Variants in IFT172 observed in about 807,000 individuals in gnomAD.
IFT172 encodes intraflagellar transport protein 172 homolog.
In IFT172, 164 loss-of-function variants were observed where a neutral mutation model predicts 248.9. The ratio of observed to expected loss-of-function variants is 0.66; its 90% CI spans 0.58 to 0.75. The LOEUF is 0.75. Ranked by LOEUF, IFT172 falls within the 30% of genes least tolerant of loss-of-function variation. The pLI, the probability that IFT172 is intolerant of heterozygous loss-of-function variation, is 0.00. For missense variants in IFT172, 1,950 were observed against 2,192.4 expected (o/e 0.89, Z 2.21); for synonymous variants, 729 against 791.6 (o/e 0.92, Z 1.33).
intron 14 of IFT172, among the ~76,000 whole-genome samples, chr2:27,473,790 GAGA>G (rs1336927757): frequency 6.6e-6 from 1 of 152,018 alleles, no homozygotes; most frequent in South Asian, 2.1e-4. Flanking sequence ...AAAAAGTTAA[GAGA>G]AGAACTTTTT....
At chr2:27,452,822 G>A (rs1359816458) in intron 35 of IFT172, among the ~76,000 whole-genome samples, 1 of 152,214 alleles carries the variant, frequency 6.6e-6, no homozygotes, top group Non-Finnish European at 1.5e-5. Context: ...TGACCAAAAC[G>A]TTGTTATATG....
In IFT172 at chr2:27,471,796, G is replaced by C. The variant is rs199613259; in HGVS notation, c.1524+454C>G. 1.0e-4 allele frequency: 21 copies of C among 200,106 alleles called. No homozygotes were observed. The East Asian group carries it at 2.7e-3, about 26-fold the overall frequency. 12.4% of individuals were successfully genotyped at this position (200,106 alleles called of 1,614,324 possible). A position where few individuals can be genotyped will look rare whatever the true frequency, so the allele number is the denominator to read the frequency against. ...TGTAATCCCAGCACTTTGAGAGGCA[G>C]AGGCAGGCAGATCACCTGAGGCCAG... On this transcript the variant is annotated intron_variant, in intron 15 of 47. Transcript: ENST00000260570.
intron 47 of IFT172, among the ~76,000 whole-genome samples, 155 bp downstream of exon 47, chr2:27,444,859 G>C (rs1362334350): frequency 6.6e-6 from 1 of 152,164 alleles, no homozygotes; most frequent in Non-Finnish European, 1.5e-5. Context: ...ATGTTGGCCA[G>C]GCTGGTCTCA....
Position 27,459,768 on chromosome 2 carries a change from C to T in IFT172, c.2583G>A (p.Gly861=), listed in dbSNP as rs200249318. The change falls in exon 24 of 48, where the codon GGG becomes GGA. Residue 861 remains glycine (G), a synonymous_variant. Coordinates refer to ENST00000260570, the MANE Select transcript of IFT172 (RefSeq NM_015662.3). ...GCTGCTTCTGCTGCACCAGGTGGTCCCCCCATGCCTCCTCTAGTTTCACCA... is the reference window on the plus strand; with the variant it reads ...GCTGCTTCTGCTGCACCAGGTGGTCTCCCCATGCCTCCTCTAGTTTCACCA... ...VEVVKLEEAW[G]DHLVQQKQLD... is the part of the protein sequence containing the mutation. 1.1e-5 allele frequency: 17 copies of T among 1,612,982 alleles called. No individual in the cohort carries two copies. The highest frequency in any genetic ancestry group is 3.4e-6 in the Non-Finnish European group (4 of 1,180,030).
Position 27,445,207 on chromosome 2 carries a change from A to G in IFT172, c.5068+89T>C. On this transcript the variant is annotated intron_variant, in intron 46 of 47. Coordinates refer to ENST00000260570, the MANE Select transcript of IFT172 (RefSeq NM_015662.3). This position sits in a 1 kb window ranked among gnomAD's most constrained non-coding sequence, Gnocchi z 4.4. The stretch of plus-strand genomic sequence containing the variant: ...TAGAAAGCACAGTCCTGTCTTTTGT[A>G]CCCTTTACTGAATCCTAGTAAAATT... The G allele has an allele frequency of 6.3e-7, 1 of 1,583,536 alleles. No homozygotes were observed. Among genetic ancestry groups the G allele is most frequent in the Non-Finnish European group, 8.6e-7 (1 of 1,162,472 alleles).
intron 5 of IFT172, 82 bp from the exon 6 acceptor site, chr2:27,483,741 C>T (rs542030633): frequency 3.1e-5 from 46 of 1,503,418 alleles, no homozygotes; most frequent in Non-Finnish European, 4.1e-5. Context: ...AAAAACTGTC[C>T]CACAAAACTG....
At chr2:27,463,589 T>C (rs1279816810) in intron 18 of IFT172, among the ~76,000 whole-genome samples, 2 of 150,824 alleles carry the variant, frequency 1.3e-5, no homozygotes, top group Non-Finnish European at 2.9e-5. Context: ...ATTTTATGTG[T>C]GGCCCAAGAT....
chr2:27,474,081 T>A (rs57554909), intron 14 of IFT172, among the ~76,000 whole-genome samples: 3,118 of 152,308 alleles, frequency 0.02, 118 homozygotes, highest in African/African-American at 0.071. Flanking sequence ...GTATTGGGAT[T>A]ATAGGCATGA....
chr2:27,459,946 G>T (rs1019886186), intron 23 of IFT172, 117 bp from the exon 24 acceptor site: 1 of 1,373,984 alleles, frequency 7.3e-7, no homozygotes, highest in African/African-American at 1.4e-5. Context: ...TGGAGGACTG[G>T]AGCCAGGCAT....
Position 27,465,333 on chromosome 2 carries a change from G to A in IFT172, c.1937+78C>T, listed in dbSNP as rs1351163232. On this transcript the variant is annotated intron_variant, in intron 18 of 47. Transcript: ENST00000260570. The stretch of plus-strand genomic sequence containing the variant: ...GAGGGAGTACCTTAACACCGGATTG[G>A]AGTAGCCCACAGGGAAAATACTCAT... 1.1e-5 allele frequency: 13 copies of A among 1,202,782 alleles called. No individual in the cohort carries two copies. In the South Asian group the frequency reaches 1.6e-4, roughly 15 times the overall value. 74.5% of individuals were successfully genotyped at this position (1,202,782 alleles called of 1,614,324 possible). A position where few individuals can be genotyped will look rare whatever the true frequency, so the allele number is the denominator to read the frequency against.
Position 27,454,759 on chromosome 2 carries a change from A to T in IFT172, c.3372-99T>A. ...AAAGGACAGAGTTGAGGGGAGAAAA[A>T]GTGACAGATTTAAGGATAACAAATA... On this transcript the variant is annotated intron_variant, in intron 30 of 47. Coordinates refer to ENST00000260570, the MANE Select transcript of IFT172 (RefSeq NM_015662.3). This position sits in a 1 kb window ranked among gnomAD's most constrained non-coding sequence, Gnocchi z 4.2. The T allele has an allele frequency of 1.0e-6, 1 of 996,706 alleles. No homozygotes were observed. The highest frequency in any genetic ancestry group is 1.5e-6 in the Non-Finnish European group (1 of 649,396). The allele number at this position is 996,706 out of a possible 1,614,324, so 61.7% of individuals were successfully genotyped here.
In IFT172 at chr2:27,481,103, A is replaced by T; in HGVS notation, c.728T>A (p.Phe243Tyr). The T allele has an allele frequency of 6.2e-7, 1 of 1,614,070 alleles. No homozygotes were observed. The highest frequency in any genetic ancestry group is 8.5e-7 in the Non-Finnish European group (1 of 1,180,022). The change falls in exon 8 of 48, where the codon TTC (phenylalanine) becomes TAC (tyrosine). Residue 243 changes from phenylalanine to tyrosine, a missense_variant. Coordinates refer to ENST00000260570, the MANE Select transcript of IFT172 (RefSeq NM_015662.3). ...DYSRDPQERE[F>Y]TTAVSSPGGQ... ...CCCAGGACTTGATACAGCTGTGGTG[A>T]ACTCCCGCTCCTGAGGGTCACGGCT...
intron 14 of IFT172, among the ~76,000 whole-genome samples, chr2:27,473,452 A>T (rs1667732641): frequency 6.9e-6 from 1 of 145,532 alleles, no homozygotes; most frequent in Non-Finnish European, 1.5e-5. Context: ...CTGGGACTAC[A>T]GGCGCCAGCC....
intron 23 of IFT172, 85 bp from the exon 24 acceptor site, chr2:27,459,914 G>A: frequency 1.3e-6 from 2 of 1,555,034 alleles, no homozygotes; most frequent in East Asian, 2.2e-5. Context: ...GAAGCATGGA[G>A]AATAGGTAAG....
chr2:27,476,852 C>T, intron 13 of IFT172, 126 bp from the exon 14 acceptor site: 1 of 649,018 alleles, frequency 1.5e-6, no homozygotes, highest in Non-Finnish European at 2.7e-6. Flanking sequence ...GACAGGGTCT[C>T]ACTCTGGTTG....
chr2:27,485,040 C>T lies in IFT172; in HGVS notation c.274G>A (p.Val92Ile). The change falls in exon 3 of 48, where the codon GTC becomes ATC. Residue 92 changes from valine to isoleucine, a missense_variant. Coordinates refer to ENST00000260570, the MANE Select transcript of IFT172 (RefSeq NM_015662.3). ...AIGQTDNIIY[V>I]YKIGEDWGDK... ...CACCAATCTTCTCCAATCTTGTAGA[C>T]ATAGATGATGTTGTCAGTCTGTCCT... 1 of 1,588,838 alleles carries T rather than the reference C, an allele frequency of 6.3e-7. No individual in the cohort carries two copies. Among genetic ancestry groups the T allele is most frequent in the Non-Finnish European group, 8.6e-7 (1 of 1,157,478 alleles).
At chr2:27,485,710 T>A (rs1668719489) in intron 1 of IFT172, among the ~76,000 whole-genome samples, 2 of 152,224 alleles carry the variant, frequency 1.3e-5, no homozygotes, top group Admixed American at 6.5e-5. Context: ...TAGAGACTCA[T>A]ATGCAAATGC....
chr2:27,444,384 TA>T lies in IFT172; in HGVS notation c.*47del. On this transcript the variant is annotated 3_prime_UTR_variant, in exon 48 of 48. Transcript: ENST00000260570. ...AGAATACAGTGGTCTCAATTATTTA[TA>T]AAACTTTAATGAGGGAGAGGCCCTA... 8.1e-7 allele frequency: 1 copy of T among 1,235,456 alleles called. No homozygotes were observed. The highest frequency in any genetic ancestry group is 1.2e-6 in the Non-Finnish European group (1 of 852,440). 76.5% of individuals were successfully genotyped at this position (1,235,456 alleles called of 1,614,324 possible). A position where few individuals can be genotyped will look rare whatever the true frequency, so the allele number is the denominator to read the frequency against.
chr2:27,484,301 C>A, intron 3 of IFT172, 35 bp from the exon 4 acceptor site: 7 of 1,611,854 alleles, frequency 4.3e-6, no homozygotes, highest in Non-Finnish European at 5.1e-6. Flanking sequence ...ATATTAAAAA[C>A]CACTTCCAGG....
Sources: gnomAD v4.1 joint callset for allele counts (sites outside exome capture counted in the v4.1 genomes callset) on GRCh38, gnomAD v4.1.1 for gene constraint, Gnocchi (gnomAD v3.1) non-coding constraint, MANE v1.5 for transcripts, NCBI Gene and HGNC (gene_info 2026-07-23, HGNC 2026-07-21) for gene names.